The following MOK variants were observed in gnomAD, a reference collection of about 807,000 sequenced individuals.
The protein encoded by MOK is MOK protein kinase, also known as MAPK/MAK/MRK overlapping kinase.
A neutral mutation model predicts 54.2 loss-of-function variants in MOK; 59 were observed. That is an observed-to-expected ratio of 1.09 (90% CI 0.88 to 1.35). The LOEUF (loss-of-function observed/expected upper bound fraction) is 1.35. MOK is among the 40% of genes most tolerant of loss of function. The pLI, the probability that MOK is intolerant of heterozygous loss-of-function variation, is 0.00. For synonymous variants in MOK, 210 were observed against 202.7 expected, an observed-to-expected ratio of 1.04 and a Z score of -0.31; for missense variants, 517 against 526.2, an observed-to-expected ratio of 0.98 and a Z score of 0.17.
At chr14:102,261,969 T>C (rs1393237486) in intron 4 of MOK, among the ~76,000 whole-genome samples, 1 of 148,688 alleles carries the variant, frequency 6.7e-6, no homozygotes, top group Non-Finnish European at 1.5e-5. Flanking sequence ...GCCTCCCGAG[T>C]AGCTGGGACT....
intron 1 of MOK, among the ~76,000 whole-genome samples, chr14:102,302,808 A>T (rs1288688787): frequency 6.6e-6 from 1 of 151,318 alleles, no homozygotes; most frequent in Non-Finnish European, 1.5e-5. Context: ...ATTTATATAT[A>T]ATATATATAG....
At chr14:102,289,418 C>T (rs1424822769) in intron 1 of MOK, among the ~76,000 whole-genome samples, 4 of 152,184 alleles carry the variant, frequency 2.6e-5, no homozygotes, top group African/African-American at 9.6e-5. Flanking sequence ...AAACAATCTG[C>T]TTTCAATACT....
intron 3 of MOK, chr14:102,264,177 C>T (rs1183462041): frequency 6.9e-6 from 1 of 145,928 alleles, no homozygotes; most frequent in Non-Finnish European, 1.5e-5. Flanking sequence ...TACCACTGTA[C>T]TCCAGCCTGG....
rs759369384 is a variant in MOK at position 102,304,960 on chromosome 14, A to C, written c.7+2T>G. On this transcript the variant is annotated splice_donor_variant, in intron 1 of 11. Coordinates refer to ENST00000361847, the MANE Select transcript of MOK (RefSeq NM_014226.3). LOFTEE classifies it high-confidence loss of function. Reference sequence around the variant, plus strand: ...CCTGCCCCTTTCCCCGGCCCCACTCACTCTTCATCTTGGATGCGGAAGCCG... The same window carrying C: ...CCTGCCCCTTTCCCCGGCCCCACTCCCTCTTCATCTTGGATGCGGAAGCCG... The C allele has an allele frequency of 7.1e-6, 11 of 1,540,762 alleles. No homozygotes were observed. The highest frequency in any genetic ancestry group is 3.2e-5 in the African/African-American group (2 of 62,624).
At chr14:102,214,915 C>G in the MOK span, 4 of 984,826 alleles carry the variant, frequency 4.1e-6, no homozygotes, top group Non-Finnish European at 4.8e-6. Flanking sequence ...TCACAGCTAA[C>G]AAGACTTACT....
rs183618281 is a variant in MOK at position 102,290,660 on chromosome 14, G to A, written c.8-7068C>T. Among the ~76,000 whole-genome samples the A allele has an allele frequency of 1.6e-3, 249 of 152,206 alleles. 1 individual carries two copies. The highest frequency in any genetic ancestry group is 5.8e-3 in the African/African-American group (241 of 41,538). Reference sequence around the variant, plus strand: ...GGGCTGCTCTCCATTACCACTTCCAGGAAAAACAACCTGAGGATGCTGAAT... The same window carrying A: ...GGGCTGCTCTCCATTACCACTTCCAAGAAAAACAACCTGAGGATGCTGAAT... On this transcript the variant is annotated intron_variant, in intron 1 of 11. Transcript: ENST00000361847.
rs760577614 is a variant in MOK at position 102,228,914 on chromosome 14, G to A, written c.*375C>T. 9.3e-5 allele frequency: 23 copies of A among 247,502 alleles called. No individual in the cohort carries two copies. The highest frequency in any genetic ancestry group is 1.5e-4 in the Non-Finnish European group (20 of 129,770). The allele number at this position is 247,502 out of a possible 1,614,324, so 15.3% of individuals were successfully genotyped here. On this transcript the variant is annotated 3_prime_UTR_variant, in exon 12 of 12. Transcript: ENST00000361847. ...CTGGTAAGACATGATGGCGCTCCAC[G>A]ACTGACCAGCAGCGCTGGGAAGGGA...
chr14:102,300,818 T>G (rs1466432795), intron 1 of MOK, among the ~76,000 whole-genome samples: 1 of 152,182 alleles, frequency 6.6e-6, no homozygotes, highest in Admixed American at 6.6e-5. Flanking sequence ...GAATGTGGGC[T>G]GGGCACACTG....
downstream of MOK, among the ~76,000 whole-genome samples, chr14:102,222,164 G>A (rs1464274491): frequency 6.7e-6 from 1 of 150,184 alleles, no homozygotes; most frequent in African/African-American, 2.5e-5. The surrounding 1 kb of genome is among the most constrained non-coding windows in gnomAD (Gnocchi z 4.4). Context: ...TCTTCCTGCT[G>A]GCCCTGGTGG....
chr14:102,290,467 CA>C (rs530029411), intron 1 of MOK, among the ~76,000 whole-genome samples: 2 of 151,036 alleles, frequency 1.3e-5, no homozygotes, highest in Admixed American at 6.6e-5. Context: ...AACAAACAAA[CA>C]AAAAAAATAG....
downstream of MOK, chr14:102,223,209 G>A (rs2064111734): frequency 6.3e-6 from 1 of 157,976 alleles, no homozygotes; most frequent in Admixed American, 6.5e-5. Context: ...AAAATAAAAT[G>A]TTTCTTGGAC....
At chr14:102,216,888 GCGCCACTGCA>G in the MOK span, among the ~76,000 whole-genome samples, 738 of 152,206 alleles carry the variant, frequency 4.8e-3, 6 homozygotes, top group African/African-American at 0.017. Flanking sequence ...AGTCGAGATG[GCGCCACTGCA>G]CTCCAGCCTG....
chr14:102,266,746 C>A (rs961050959), intron 2 of MOK, among the ~76,000 whole-genome samples: 3 of 152,108 alleles, frequency 2.0e-5, no homozygotes, highest in African/African-American at 7.2e-5. Flanking sequence ...CCATGCCTGG[C>A]TAATTTTTTT....
At chr14:102,289,049 C>T (rs936397823) in intron 1 of MOK, among the ~76,000 whole-genome samples, 3 of 151,998 alleles carry the variant, frequency 2.0e-5, no homozygotes, top group Non-Finnish European at 4.4e-5. Context: ...ACTACAGGCA[C>T]CCGCCACCAT....
chr14:102,222,122 G>C (rs990197046), downstream of MOK, among the ~76,000 whole-genome samples: 2 of 150,710 alleles, frequency 1.3e-5, no homozygotes, highest in African/African-American at 4.9e-5. The surrounding 1 kb of genome is among the most constrained non-coding windows in gnomAD (Gnocchi z 4.4). Context: ...CTCAGCAGGA[G>C]CCGCCCTAAA....
rs77671108 is a variant in MOK, at chr14:102,249,024, G to A, written c.590+1788C>T. On this transcript the variant is annotated intron_variant, in intron 7 of 11. Coordinates refer to ENST00000361847, the MANE Select transcript of MOK (RefSeq NM_014226.3). This position sits in a 1 kb window ranked among gnomAD's most constrained non-coding sequence, Gnocchi z 5.3. ...CCAGGCAGACTCGCTCACACGGAAC[G>A]CGAGGAACTCAGCCTGGCGTGTGCA... 4.7e-3 allele frequency among the ~76,000 whole-genome samples: 717 copies of A among 151,804 alleles called. 6 individuals carry two copies. Among genetic ancestry groups the A allele is most frequent in the African/African-American group, 0.016 (664 of 41,304 alleles).
intron 1 of MOK, among the ~76,000 whole-genome samples, chr14:102,302,898 G>A (rs886141402): frequency 3.3e-5 from 5 of 150,948 alleles, no homozygotes; most frequent in Non-Finnish European, 5.9e-5. Flanking sequence ...ACAGTGGCTC[G>A]CGTCTGTAAT....
Position 102,236,411 on chromosome 14 carries a change from C to A in MOK, c.591-2622G>T, listed in dbSNP as rs1204791582. On this transcript the variant is annotated intron_variant, in intron 7 of 11. Transcript: ENST00000361847. This position sits in a 1 kb window ranked among gnomAD's most constrained non-coding sequence, Gnocchi z 4.5. ...TGTGGGGGCTGATGGACTCATCTTG[C>A]GTCCACGCGCCACCAGACCCCTTAC... Among the ~76,000 whole-genome samples the A allele has an allele frequency of 1.3e-5, 2 of 152,210 alleles. No individual in the cohort carries two copies. Among genetic ancestry groups the A allele is most frequent in the African/African-American group, 4.8e-5 (2 of 41,450 alleles).
In MOK at chr14:102,286,340, G is replaced by A. The variant is rs1019936354; in HGVS notation, c.8-2748C>T. The stretch of plus-strand genomic sequence containing the variant: ...AAAAAAAAAAAGATGTGCATCCTCC[G>A]GCCGGGCGCAGTGGCTCACGCCTGT... On this transcript the variant is annotated intron_variant, in intron 1 of 11. Coordinates refer to ENST00000361847, the MANE Select transcript of MOK (RefSeq NM_014226.3). Among the ~76,000 whole-genome samples, 6 of 146,290 alleles carry A rather than the reference G, an allele frequency of 4.1e-5. No individual in the cohort carries two copies. In the South Asian group the frequency reaches 6.5e-4, roughly 16 times the overall value.
Sources: allele counts gnomAD v4.1 joint callset (sites outside exome capture counted in the v4.1 genomes callset), GRCh38; gene constraint gnomAD v4.1.1; non-coding constraint Gnocchi (gnomAD v3.1); transcripts MANE v1.5; gene names NCBI Gene and HGNC (gene_info 2026-07-23, HGNC 2026-07-21).